SNX14: variants seen among roughly 807,000 people sequenced by gnomAD.
SNX14 encodes the protein sorting nexin-14.
Under a neutral mutation model 133.8 loss-of-function variants are expected in SNX14, and 93 were observed. The ratio of observed to expected loss-of-function variants is 0.70; its 90% CI spans 0.59 to 0.83. The LOEUF (loss-of-function observed/expected upper bound fraction) is 0.83, where lower values mean the gene tolerates loss of function less well. Ranked by LOEUF, SNX14 falls within the 40% of genes least tolerant of loss-of-function variation. The pLI, the probability that SNX14 is intolerant of heterozygous loss-of-function variation, is 0.00. For synonymous variants in SNX14, 368 were observed against 365.6 expected (o/e 1.01, Z -0.07); for missense variants, 945 against 1,094.9 (o/e 0.86, Z 1.93).
intron 21 of SNX14, 79 bp from the exon 22 acceptor site, chr6:85,518,127 AT>A: frequency 8.6e-7 from 1 of 1,161,738 alleles, no homozygotes; most frequent in Non-Finnish European, 1.2e-6. Flanking sequence ...TAACCAGGTA[AT>A]TTTAAATACG....
At chr6:85,543,412 T>G (rs1222008529) in intron 13 of SNX14, 106 bp from the exon 14 acceptor site, 1 of 1,162,472 alleles carries the variant, frequency 8.6e-7, no homozygotes, top group Admixed American at 2.9e-5. Context: ...ATTGAGAAAT[T>G]AGACCAACCA....
intron 28 of SNX14, 120 bp downstream of exon 28, chr6:85,507,113 A>T: frequency 1.1e-6 from 1 of 921,052 alleles, no homozygotes; most frequent in Admixed American, 2.8e-5. Context: ...GCTGAGGTTA[A>T]TTTTTTAAAG....
Position 85,552,022 on chromosome 6 carries a change from T to C in SNX14, c.635-2143A>G, listed in dbSNP as rs1032370336. ...CAGAGTTTTCAAATCATGGAGTCTGTGTTGGGAATCTTTTTTTTTTTTTTT... is the reference window on the plus strand; with the variant it reads ...CAGAGTTTTCAAATCATGGAGTCTGCGTTGGGAATCTTTTTTTTTTTTTTT... On this transcript the variant is annotated intron_variant, in intron 7 of 28. Coordinates refer to ENST00000314673, the MANE Select transcript of SNX14 (RefSeq NM_153816.6). 2.4e-4 allele frequency among the ~76,000 whole-genome samples: 37 copies of C among 151,244 alleles called. 1 individual carries two copies. Among genetic ancestry groups the C allele is most frequent in the Admixed American group, 1.5e-3 (23 of 15,198 alleles).
At chr6:85,529,196 G>T (rs1293500584) in intron 19 of SNX14, among the ~76,000 whole-genome samples, 1 of 152,068 alleles carries the variant, frequency 6.6e-6, no homozygotes, top group African/African-American at 2.4e-5. Flanking sequence ...GGAGGCAGAG[G>T]TTGCCAAGAT....
intron 23 of SNX14, among the ~76,000 whole-genome samples, chr6:85,515,343 T>C (rs991031584): frequency 6.8e-6 from 1 of 146,874 alleles, no homozygotes; most frequent in Non-Finnish European, 1.5e-5. Flanking sequence ...AAATCCAGCG[T>C]TAGGTGAAAT....
chr6:85,530,396 G>T, intron 18 of SNX14, 121 bp from the exon 19 acceptor site: 1 of 567,586 alleles, frequency 1.8e-6, no homozygotes, highest in Non-Finnish European at 2.9e-6. Flanking sequence ...TATAATCCCA[G>T]CACTTTGGGA....
intron 2 of SNX14, among the ~76,000 whole-genome samples, chr6:85,573,378 G>A (rs984640310): frequency 6.6e-6 from 1 of 152,184 alleles, no homozygotes; most frequent in African/African-American, 2.4e-5. Flanking sequence ...TACATGGAAG[G>A]CTGAGGCAGA....
chr6:85,533,019 C>T (rs1052634518), intron 18 of SNX14, among the ~76,000 whole-genome samples: 1 of 151,984 alleles, frequency 6.6e-6, no homozygotes, highest in African/African-American at 2.4e-5. Flanking sequence ...CCAGAGTAGC[C>T]GGGACTACAG....
chr6:85,509,296 G>GA (rs1471775457), intron 26 of SNX14, among the ~76,000 whole-genome samples: 1 of 152,084 alleles, frequency 6.6e-6, no homozygotes, highest in African/African-American at 2.4e-5. Flanking sequence ...TGAGACTGTT[G>GA]AAAGTATGAA....
chr6:85,547,598 T>A (rs755846003), intron 9 of SNX14, 48 bp from the exon 10 acceptor site: 3 of 1,423,984 alleles, frequency 2.1e-6, no homozygotes, highest in Non-Finnish European at 2.9e-6. Context: ...ACTACTGTAT[T>A]CTCCCCAGAA....
intron 15 of SNX14, among the ~76,000 whole-genome samples, chr6:85,540,258 G>A (rs951590765): frequency 3.9e-5 from 6 of 152,126 alleles, no homozygotes; most frequent in South Asian, 2.1e-4. Context: ...CATCACGCCC[G>A]GCCATCTACC....
At chr6:85,583,576 C>A (rs1799721627) in intron 1 of SNX14, among the ~76,000 whole-genome samples, 1 of 152,106 alleles carries the variant, frequency 6.6e-6, no homozygotes, top group South Asian at 2.1e-4. Flanking sequence ...AAATCAATGG[C>A]AAAAATCACA....
At chr6:85,559,287 T>C (rs750323517) in intron 6 of SNX14, among the ~76,000 whole-genome samples, 4 of 152,210 alleles carry the variant, frequency 2.6e-5, no homozygotes, top group Admixed American at 6.5e-5. Flanking sequence ...CCTTGGCCAC[T>C]TGGTACTCGC....
chr6:85,550,487 AATTATT>A (rs918704852), intron 7 of SNX14, among the ~76,000 whole-genome samples: 2 of 151,996 alleles, frequency 1.3e-5, no homozygotes, highest in Non-Finnish European at 2.9e-5. Context: ...TCTTACTCAA[AATTATT>A]ATTATTATCA....
At position 85,547,341 on chromosome 6, in the gene SNX14, T is replaced by C. The variant is rs932126513; in HGVS notation, c.969A>G (p.Ala323=). 1.2e-6 allele frequency: 2 copies of C among 1,613,626 alleles called. No individual in the cohort carries two copies. Among genetic ancestry groups the C allele is most frequent in the Non-Finnish European group, 1.7e-6 (2 of 1,179,970 alleles). ...CAGATGGCTTTTTATTTCTAGGTTC[T>C]GCAAATTTCTGCAAGAATGGAACCA... is the stretch of plus-strand genomic sequence containing the variant. ...SPLVPFLQKF[A]EPRNKKPSVL... is the part of the protein sequence containing the mutation. Residue 323 remains alanine, a synonymous_variant, in exon 11 of 29, where the codon GCA becomes GCG. Transcript: ENST00000314673.
At chr6:85,515,999 T>C (rs534965807) in intron 23 of SNX14, among the ~76,000 whole-genome samples, 2 of 152,274 alleles carry the variant, frequency 1.3e-5, no homozygotes, top group East Asian at 3.9e-4. Context: ...AACTTTTAAA[T>C]TAAAACTCAA....
intron 1 of SNX14, among the ~76,000 whole-genome samples, chr6:85,577,488 C>T (rs1024955547): frequency 2.6e-5 from 4 of 151,992 alleles, no homozygotes; most frequent in Admixed American, 2.6e-4. Context: ...TGTTAAGTTT[C>T]AGATATTTTA....
intron 17 of SNX14, 71 bp downstream of exon 17, chr6:85,536,721 G>A (rs1014972630): frequency 4.2e-6 from 6 of 1,441,892 alleles, no homozygotes; most frequent in South Asian, 1.4e-5. Flanking sequence ...GGAAAATAAT[G>A]AGTATATCTA....
intron 1 of SNX14, among the ~76,000 whole-genome samples, chr6:85,577,099 G>A (rs748821934): frequency 1.2e-4 from 19 of 152,028 alleles, no homozygotes; most frequent in Non-Finnish European, 7.4e-5. Flanking sequence ...AAAATCAAGA[G>A]GATTAAGTAG....
Sources: allele counts gnomAD v4.1 joint callset (sites outside exome capture counted in the v4.1 genomes callset), GRCh38; gene constraint gnomAD v4.1.1; transcripts MANE v1.5; gene names NCBI Gene and HGNC (gene_info 2026-07-23, HGNC 2026-07-21).